PRKCE: variants seen among roughly 807,000 people sequenced by gnomAD.
The protein encoded by PRKCE is protein kinase C epsilon, also known as protein kinase C epsilon type.
A neutral mutation model predicts 85.4 loss-of-function variants in PRKCE; 16 were observed. The observed-to-expected ratio is 0.19, with a 90% CI of 0.13 to 0.28. PRKCE has a LOEUF of 0.28. PRKCE is among the 10% of genes least tolerant of loss of function. The probability of loss-of-function intolerance (pLI) is 1.00; values close to 1 mark genes in which losing one functional copy is unlikely to be tolerated. For synonymous variants in PRKCE, 388 were observed against 371.5 expected, an observed-to-expected ratio of 1.04 and a Z score of -0.51; for missense variants, 573 against 975.2, an observed-to-expected ratio of 0.59 and a Z score of 5.49.
chr2:46,050,469 G>T (rs59126001), intron 10 of PRKCE, among the ~76,000 whole-genome samples: 98 of 152,350 alleles, frequency 6.4e-4, no homozygotes, highest in African/African-American at 2.3e-3. Context: ...GCAGTGGAGA[G>T]AAAACATTAT....
chr2:46,133,265 C>T (rs1173396747), intron 11 of PRKCE, among the ~76,000 whole-genome samples: 1 of 152,160 alleles, frequency 6.6e-6, no homozygotes, highest in Non-Finnish European at 1.5e-5. Context: ...TGACAGAGTG[C>T]TGGCTGGACT....
chr2:45,994,561 G>C (rs894933138), intron 6 of PRKCE, among the ~76,000 whole-genome samples: 7 of 152,020 alleles, frequency 4.6e-5, no homozygotes, highest in African/African-American at 1.7e-4. Flanking sequence ...TTTGAGATTG[G>C]CACCTTTCAC....
At chr2:45,724,174 A>G (rs1344158977) in intron 1 of PRKCE, among the ~76,000 whole-genome samples, 4 of 152,134 alleles carry the variant, frequency 2.6e-5, no homozygotes, top group Non-Finnish European at 5.9e-5. Flanking sequence ...CCATTTTTCT[A>G]ATAGCATATG....
intron 1 of PRKCE, among the ~76,000 whole-genome samples, chr2:45,796,334 C>T (rs948601564): frequency 1.3e-5 from 2 of 152,174 alleles, no homozygotes; most frequent in South Asian, 4.1e-4. Context: ...ACCCTTTATG[C>T]ATTAATTTTC....
At chr2:45,814,358 C>T (rs561566408) in intron 1 of PRKCE, among the ~76,000 whole-genome samples, 11 of 152,306 alleles carry the variant, frequency 7.2e-5, no homozygotes, top group South Asian at 2.1e-4. Context: ...AGCCAAGGGT[C>T]GTCGGGGGCT....
At chr2:45,927,694 G>A (rs911444879) in intron 2 of PRKCE, among the ~76,000 whole-genome samples, 3 of 152,198 alleles carry the variant, frequency 2.0e-5, no homozygotes, top group Non-Finnish European at 4.4e-5. Context: ...AAAATCTCTC[G>A]CATAGAGGCT....
chr2:45,906,412 A>C (rs1696978061), intron 2 of PRKCE, among the ~76,000 whole-genome samples: 1 of 152,248 alleles, frequency 6.6e-6, no homozygotes, highest in African/African-American at 2.4e-5. Context: ...GGTACTCTGA[A>C]GACTTAAAGT....
chr2:46,091,261 C>T (rs1670145907), intron 11 of PRKCE, among the ~76,000 whole-genome samples: 1 of 152,194 alleles, frequency 6.6e-6, no homozygotes, highest in African/African-American at 2.4e-5. Flanking sequence ...TCCCCATACA[C>T]TTGTAGGCAC....
In PRKCE at chr2:46,145,685, T is replaced by A. The variant is rs1259953638; in HGVS notation, c.1731+454T>A. ...GAGTTCAAGACCAGCCGGGGCAACA[T>A]GGTGAAACCCTGTCTATATAAAAAA... On this transcript the variant is annotated intron_variant, in intron 12 of 14. Transcript: ENST00000306156. This position sits in a 1 kb window ranked among gnomAD's most constrained non-coding sequence, Gnocchi z 4.6. Among the ~76,000 whole-genome samples the A allele has an allele frequency of 6.6e-6, 1 of 152,124 alleles. No individual in the cohort carries two copies. The highest frequency in any genetic ancestry group is 2.4e-5 in the African/African-American group (1 of 41,414).
intron 2 of PRKCE, among the ~76,000 whole-genome samples, chr2:45,966,427 A>T (rs1701735514): frequency 6.6e-6 from 1 of 152,154 alleles, no homozygotes. Context: ...GGTGCTTGGA[A>T]TCATGCTCAG....
intron 11 of PRKCE, among the ~76,000 whole-genome samples, chr2:46,098,478 A>C (rs1670915249): frequency 6.6e-6 from 1 of 152,226 alleles, no homozygotes; most frequent in African/African-American, 2.4e-5. Context: ...TGCACAGTTC[A>C]TAAGATTCAC....
At chr2:45,676,707 G>A (rs1413330275) in intron 1 of PRKCE, 1 of 152,294 alleles carries the variant, frequency 6.6e-6, no homozygotes, top group African/African-American at 2.4e-5. Context: ...GAGGGAGCGA[G>A]TAAAGGCCAT....
At chr2:45,894,028 T>C (rs1695942156) in intron 2 of PRKCE, among the ~76,000 whole-genome samples, 1 of 152,170 alleles carries the variant, frequency 6.6e-6, no homozygotes, top group Non-Finnish European at 1.5e-5. Flanking sequence ...AGAGGTAATG[T>C]GTAATGCCCC....
chr2:45,667,996 A>G (rs1463059140), intron 1 of PRKCE, among the ~76,000 whole-genome samples: 34 of 152,160 alleles, frequency 2.2e-4, no homozygotes, highest in Non-Finnish European at 1.5e-5. Flanking sequence ...AGTACTATCT[A>G]TCTAATTGTG....
At chr2:46,023,109 A>AAAAAAAAAAAC (rs1383340242) in intron 10 of PRKCE, among the ~76,000 whole-genome samples, 1 of 150,856 alleles carries the variant, frequency 6.6e-6, no homozygotes, top group African/African-American at 2.5e-5. Context: ...AAAAAAAAAA[A>AAAAAAAAAAAC]ATCATCTATA....
chr2:46,150,334 G>T (rs1676495199), intron 12 of PRKCE, among the ~76,000 whole-genome samples: 2 of 152,216 alleles, frequency 1.3e-5, no homozygotes, highest in Non-Finnish European at 2.9e-5. Flanking sequence ...GCAATAGGGG[G>T]TTCATTAGTG....
At chr2:45,867,334 G>A (rs4952787) in intron 2 of PRKCE, among the ~76,000 whole-genome samples, 25,072 of 152,190 alleles carry the variant, frequency 0.16, 2,254 homozygotes, top group South Asian at 0.34. Context: ...ATTCGAACTT[G>A]AGACAAACTG....
chr2:46,084,062 A>G (rs893109055), intron 10 of PRKCE, among the ~76,000 whole-genome samples: 22 of 152,132 alleles, frequency 1.4e-4, no homozygotes, highest in African/African-American at 5.3e-4. Flanking sequence ...TGAGGATTTG[A>G]GTGGAGAATG....
intron 10 of PRKCE, among the ~76,000 whole-genome samples, chr2:46,019,847 C>CTTTT (rs869079304): frequency 3.9e-3 from 414 of 105,868 alleles, no homozygotes; most frequent in African/African-American, 0.013. Flanking sequence ...TTGGTTTTCT[C>CTTTT]TTTTTTTTTT....
Sources: allele counts gnomAD v4.1 joint callset (sites outside exome capture counted in the v4.1 genomes callset), GRCh38; gene constraint gnomAD v4.1.1; non-coding constraint Gnocchi (gnomAD v3.1); transcripts MANE v1.5; gene names NCBI Gene and HGNC (gene_info 2026-07-23, HGNC 2026-07-21).